The following ABCB10 variants were observed in gnomAD, a reference collection of about 807,000 sequenced individuals.
ABCB10 encodes the protein ATP binding cassette subfamily B member 10.
Under a neutral mutation model 65.4 loss-of-function variants are expected in ABCB10, and 54 were observed. The observed-to-expected ratio is 0.83, with a 90% CI of 0.66 to 1.04. The LOEUF (loss-of-function observed/expected upper bound fraction) is 1.04. Among genes scored for constraint, ABCB10 ranks in the 50% least tolerant of loss-of-function variants. The probability of loss-of-function intolerance (pLI) is 0.00; values close to 1 mark genes in which losing one functional copy is unlikely to be tolerated. For missense variants in ABCB10, 846 were observed against 976.6 expected, an observed-to-expected ratio of 0.87 and a Z score of 1.78; for synonymous variants, 418 against 406.5, an observed-to-expected ratio of 1.03 and a Z score of -0.34.
intron 11 of ABCB10, 149 bp from the exon 12 acceptor site, chr1:229,519,024 G>C (rs373546717): frequency 3.6e-5 from 22 of 604,288 alleles, no homozygotes; most frequent in Middle Eastern, 4.5e-4. Context: ...CAGACACAAA[G>C]AATCACATAC....
intron 6 of ABCB10, among the ~76,000 whole-genome samples, chr1:229,533,118 C>G (rs1662624243): frequency 6.6e-6 from 1 of 151,810 alleles, no homozygotes; most frequent in African/African-American, 2.4e-5. Context: ...CTAGCCATCC[C>G]TTTTTAAAGT....
intron 10 of ABCB10, among the ~76,000 whole-genome samples, chr1:229,522,385 T>C (rs535534068): frequency 6.6e-6 from 1 of 152,000 alleles, no homozygotes; most frequent in South Asian, 2.1e-4. Flanking sequence ...TTTTAAAATT[T>C]TTTGGAGACA....
At chr1:229,532,516 C>G (rs1390410025) in intron 6 of ABCB10, among the ~76,000 whole-genome samples, 3 of 152,036 alleles carry the variant, frequency 2.0e-5, no homozygotes, top group African/African-American at 7.2e-5. Context: ...ACGCTACTCA[C>G]ATACTCCCAT....
At chr1:229,540,882 G>C (rs7529745) in intron 4 of ABCB10, 130 bp from the exon 5 acceptor site, 3 of 1,103,526 alleles carry the variant, frequency 2.7e-6, no homozygotes, top group Non-Finnish European at 3.7e-6. Flanking sequence ...GTGATAGTAA[G>C]AAGTGAGAAC....
Position 229,539,508 on chromosome 1 carries a change from A to C in ABCB10, c.1287T>G (p.Gly429=). Residue 429 remains glycine (G), a synonymous_variant, in exon 6 of 13, where the codon GGT becomes GGG. Transcript: ENST00000344517. ...CATACATTAGGAAGGAAGAGAGTTCACCCACGGTCATGTGGGCACTGCCCA... is the reference window on the plus strand; with the variant it reads ...CATACATTAGGAAGGAAGAGAGTTCCCCCACGGTCATGTGGGCACTGCCCA... ...LLMGSAHMTV[G]ELSSFLMYAF... 6.2e-7 allele frequency: 1 copy of C among 1,613,974 alleles called. No homozygotes were observed. The highest frequency in any genetic ancestry group is 8.5e-7 in the Non-Finnish European group (1 of 1,179,902).
chr1:229,554,300 T>C (rs929991308), intron 1 of ABCB10, among the ~76,000 whole-genome samples: 1 of 152,130 alleles, frequency 6.6e-6, no homozygotes, highest in African/African-American at 2.4e-5. Flanking sequence ...GACTCCAGGT[T>C]CTGGAAATCT....
In ABCB10 at chr1:229,539,596, C is replaced by T. The variant is rs35725309; in HGVS notation, c.1204-5G>A. Reference sequence around the variant, plus strand: ...CAGGTTTCCGGAGAGCCCAGTCTGTCGAATGAAGAAAACACAGAAGTCAGG... The same window carrying T: ...CAGGTTTCCGGAGAGCCCAGTCTGTTGAATGAAGAAAACACAGAAGTCAGG... On this transcript the variant is annotated splice_polypyrimidine_tract_variant and splice_region_variant and intron_variant, in intron 5 of 12. Coordinates refer to ENST00000344517, the MANE Select transcript of ABCB10 (RefSeq NM_012089.3). 17,099 of 1,611,176 alleles carry T rather than the reference C, an allele frequency of 0.011. 855 individuals are homozygous for T. In the African/African-American group the frequency reaches 0.14, roughly 13 times the overall value.
chr1:229,555,801 G>A (rs1161748546), intron 1 of ABCB10, among the ~76,000 whole-genome samples: 1 of 152,050 alleles, frequency 6.6e-6, no homozygotes, highest in Non-Finnish European at 1.5e-5. Flanking sequence ...GCTGCTCTTA[G>A]AATGATAAAT....
chr1:229,524,083 CTG>C (rs1662376332), intron 10 of ABCB10, among the ~76,000 whole-genome samples: 3 of 151,896 alleles, frequency 2.0e-5, no homozygotes. Context: ...TAGGAAAAGA[CTG>C]TTGTTTTAGT....
At chr1:229,543,731 G>A (rs377594559) in intron 3 of ABCB10, among the ~76,000 whole-genome samples, 6 of 152,306 alleles carry the variant, frequency 3.9e-5, no homozygotes, top group African/African-American at 1.4e-4. Context: ...CCCCAAGAGG[G>A]AAGAGCCATT....
At chr1:229,524,166 T>TTC (rs1662377972) in intron 10 of ABCB10, among the ~76,000 whole-genome samples, 1 of 152,052 alleles carries the variant, frequency 6.6e-6, no homozygotes, top group East Asian at 1.9e-4. Context: ...GTTTTTTGTT[T>TTC]TTTTTTTTAA....
intron 6 of ABCB10, 64 bp downstream of exon 6, chr1:229,539,392 C>G (rs1260837681): frequency 6.3e-7 from 1 of 1,576,168 alleles, no homozygotes; most frequent in African/African-American, 1.4e-5. Flanking sequence ...AGTTCAGTTT[C>G]TCTTTCAGAA....
chr1:229,523,090 T>A (rs1315828108), intron 10 of ABCB10, among the ~76,000 whole-genome samples: 2 of 152,246 alleles, frequency 1.3e-5, no homozygotes, highest in African/African-American at 4.8e-5. Flanking sequence ...TGTGTATGTA[T>A]GACACTGAAA....
intron 11 of ABCB10, among the ~76,000 whole-genome samples, chr1:229,519,617 G>A (rs764160315): frequency 2.0e-4 from 31 of 151,980 alleles, no homozygotes; most frequent in African/African-American, 6.0e-4. Flanking sequence ...GCAAAACCCC[G>A]TCTCTACTAA....
intron 6 of ABCB10, among the ~76,000 whole-genome samples, chr1:229,536,485 GAC>G (rs1239797811): frequency 1.3e-5 from 2 of 151,534 alleles, no homozygotes; most frequent in Non-Finnish European, 2.9e-5. Flanking sequence ...CCTGCCTGGA[GAC>G]AGAGTAAGAC....
chr1:229,519,895 G>T lies in ABCB10; in HGVS notation c.1951-1020C>A, dbSNP rs184002004. ...AATCCCAACACTCTGGCAGGCTGAG[G>T]GGGGAGGACTGCTTGAGCCCAGGAG... On this transcript the variant is annotated intron_variant, in intron 11 of 12. Transcript: ENST00000344517. Among the ~76,000 whole-genome samples, 260 of 152,298 alleles carry T rather than the reference G, an allele frequency of 1.7e-3. 1 individual carries two copies. Among genetic ancestry groups the T allele is most frequent in the African/African-American group, 5.9e-3 (247 of 41,560 alleles).
intron 4 of ABCB10, among the ~76,000 whole-genome samples, chr1:229,541,233 C>CT (rs974003500): frequency 6.6e-6 from 1 of 151,740 alleles, no homozygotes; most frequent in African/African-American, 2.4e-5. Context: ...TTTTATTTTT[C>CT]TTTTTTTTCT....
At chr1:229,542,118 G>T in intron 4 of ABCB10, 119 bp downstream of exon 4, 13 of 1,292,942 alleles carry the variant, frequency 1.0e-5, no homozygotes, top group East Asian at 5.2e-5. Flanking sequence ...AATTTCTAAT[G>T]AAAGGAAAGG....
At chr1:229,524,705 A>C (rs1662393488) in intron 10 of ABCB10, among the ~76,000 whole-genome samples, 1 of 152,226 alleles carries the variant, frequency 6.6e-6, no homozygotes, top group Non-Finnish European at 1.5e-5. Flanking sequence ...TCTATTCAGC[A>C]AATTATGGCC....
Sources: gnomAD v4.1 joint callset for allele counts (sites outside exome capture counted in the v4.1 genomes callset) on GRCh38, gnomAD v4.1.1 for gene constraint, MANE v1.5 for transcripts, NCBI Gene and HGNC (gene_info 2026-07-23, HGNC 2026-07-21) for gene names.